The following B9D1 variants were observed in gnomAD, a reference collection of about 807,000 sequenced individuals.
B9D1 encodes the protein B9 domain containing 1.
In B9D1, 20 loss-of-function variants were observed where a neutral mutation model predicts 26.1. The observed-to-expected ratio is 0.77, with a 90% confidence interval of 0.54 to 1.12. The LOEUF is 1.12. Ranked by LOEUF, B9D1 falls within the 50% of genes most tolerant of loss-of-function variation. The pLI, the probability that B9D1 is intolerant of heterozygous loss-of-function variation, is 0.00. For missense variants in B9D1, 260 were observed against 273.7 expected, an observed-to-expected ratio of 0.95 and a Z score of 0.35; for synonymous variants, 105 against 103.1, an observed-to-expected ratio of 1.02 and a Z score of -0.11.
At chr17:19,345,090 C>T (rs1908580194) in intron 5 of B9D1, among the ~76,000 whole-genome samples, 2 of 152,218 alleles carry the variant, frequency 1.3e-5, no homozygotes, top group Non-Finnish European at 1.5e-5. Context: ...TCCTGGGGTC[C>T]ACCCGGGTGG....
rs1908904670 is a variant in B9D1, at chr17:19,347,040, A to G, written c.404+229T>C. 6.5e-7 allele frequency: 1 copy of G among 1,547,846 alleles called. No individual in the cohort carries two copies. Among genetic ancestry groups the G allele is most frequent in the South Asian group, 1.2e-5 (1 of 83,866 alleles). On this transcript the variant is annotated intron_variant, in intron 5 of 6. Transcript: ENST00000261499. The surrounding 1 kb of genome is among the most constrained non-coding windows in gnomAD (Gnocchi z 4.3). Reference sequence around the variant, plus strand: ...TTTTCCTCTGCTCCCTCAGACACAAAGATTTTTCACAGGGCACAGGGTAAA... The same window carrying G: ...TTTTCCTCTGCTCCCTCAGACACAAGGATTTTTCACAGGGCACAGGGTAAA...
At chr17:19,340,067 G>T (rs757742189), downstream of B9D1, among the ~76,000 whole-genome samples, 1 of 125,876 alleles carries the variant, frequency 7.9e-6, no homozygotes. Context: ...GGGCACTCGC[G>T]CCTTCAGCCT....
chr17:19,343,173 G>A, downstream of B9D1: 6 of 1,466,032 alleles, frequency 4.1e-6, no homozygotes, highest in Admixed American at 2.4e-5. Flanking sequence ...CCAGGCCTAG[G>A]CTCTCTGAAA....
At chr17:19,362,002 G>A (rs371628871) in intron 1 of B9D1, among the ~76,000 whole-genome samples, 1 of 152,198 alleles carries the variant, frequency 6.6e-6, no homozygotes, top group East Asian at 1.9e-4. Context: ...CTAAAGTGTA[G>A]GGGGATGGGG....
At chr17:19,362,055 A>C (rs1911146087) in intron 1 of B9D1, among the ~76,000 whole-genome samples, 1 of 152,228 alleles carries the variant, frequency 6.6e-6, no homozygotes, top group Admixed American at 6.5e-5. Context: ...TCCTTGGGTC[A>C]ATTCCAGGCC....
At chr17:19,352,291 T>A (rs966326476) in intron 3 of B9D1, among the ~76,000 whole-genome samples, 2 of 152,184 alleles carry the variant, frequency 1.3e-5, no homozygotes, top group African/African-American at 4.8e-5. Flanking sequence ...AATTAATTTC[T>A]GCTGTTTCTC....
downstream of B9D1, chr17:19,335,606 G>C (rs950968731): frequency 4.1e-6 from 3 of 731,460 alleles, no homozygotes; most frequent in East Asian, 8.8e-5. Flanking sequence ...ACAGTCCCTA[G>C]GCTAAGACAG....
chr17:19,358,168 T>C (rs1910603978), intron 2 of B9D1, among the ~76,000 whole-genome samples: 1 of 151,998 alleles, frequency 6.6e-6, no homozygotes, highest in Non-Finnish European at 1.5e-5. Context: ...GGCCAGCCAC[T>C]CTCCCGGGCA....
chr17:19,337,571 G>A (rs1907548334), downstream of B9D1: 4 of 733,194 alleles, frequency 5.5e-6, no homozygotes, highest in Non-Finnish European at 4.6e-6. Flanking sequence ...TGCCCGTTCA[G>A]TGCAGGGGAC....
intron 1 of B9D1, among the ~76,000 whole-genome samples, chr17:19,376,453 T>C (rs1490800104): frequency 6.6e-6 from 1 of 151,886 alleles, no homozygotes; most frequent in African/African-American, 2.4e-5. Context: ...AGCCTGCTAC[T>C]GGGAGGCTTC....
chr17:19,342,631 TCAGGG>T (rs1351323252), downstream of B9D1, among the ~76,000 whole-genome samples: 1 of 151,930 alleles, frequency 6.6e-6, no homozygotes, highest in African/African-American at 2.4e-5. Flanking sequence ...ACCTCAGAGG[TCAGGG>T]TGTTGAGCCA....
At chr17:19,350,069 G>A (rs142438934) in intron 3 of B9D1, among the ~76,000 whole-genome samples, 7,137 of 151,560 alleles carry the variant, frequency 0.047, 215 homozygotes, top group East Asian at 0.11. Flanking sequence ...CTGAGATCAC[G>A]CCACTGCACT....
intron 5 of B9D1, chr17:19,346,804 G>C (rs1235691430): frequency 1.7e-5 from 15 of 866,726 alleles, no homozygotes; most frequent in Non-Finnish European, 6.4e-6. Context: ...AGCCTGGCAG[G>C]CACTGTTCCC....
At chr17:19,342,997 T>G, downstream of B9D1, 1 of 973,252 alleles carries the variant, frequency 1.0e-6, no homozygotes, top group African/African-American at 1.7e-5. Context: ...AACCTGGTTA[T>G]GTCAAAGCTC....
At chr17:19,336,951 T>C (rs1421719703), downstream of B9D1, among the ~76,000 whole-genome samples, 2 of 152,228 alleles carry the variant, frequency 1.3e-5, no homozygotes, top group African/African-American at 4.8e-5. Context: ...ACGGGTGTGC[T>C]GGGGGAAGTG....
intron 1 of B9D1, among the ~76,000 whole-genome samples, chr17:19,368,957 G>A (rs1010717861): frequency 3.3e-5 from 5 of 152,132 alleles, no homozygotes; most frequent in African/African-American, 4.8e-5. Flanking sequence ...CATGAGTTCT[G>A]TTTCTTAACA....
intron 1 of B9D1, among the ~76,000 whole-genome samples, chr17:19,361,478 TG>T (rs1911057372): frequency 6.6e-6 from 1 of 151,850 alleles, no homozygotes; most frequent in African/African-American, 2.4e-5. Context: ...GGAGGAACAG[TG>T]TGACTGTCAG....
At position 19,347,362 on chromosome 17, in the gene B9D1, CTGAG is replaced by C; in HGVS notation, c.342-35_342-32del. 6.2e-7 allele frequency: 1 copy of C among 1,612,892 alleles called. No individual in the cohort carries two copies. On this transcript the variant is annotated intron_variant, in intron 4 of 6. Transcript: ENST00000261499. The surrounding 1 kb of genome is among the most constrained non-coding windows in gnomAD (Gnocchi z 4.3). ...ACAAATGTTTTTGCAGACAGAGATG[CTGAG>C]TAAGAGACCTTTCTGAGCCTCCAGG...
rs1194745533 is a variant in B9D1 at position 19,359,199 on chromosome 17, C to T, written c.132+1121G>A. ...TAGAAGCCAGGGAATCTTCTAAAAACATAAGTCAGATCACTTTCTCTGCTG... is the reference window on the plus strand; with the variant it reads ...TAGAAGCCAGGGAATCTTCTAAAAATATAAGTCAGATCACTTTCTCTGCTG... On this transcript the variant is annotated intron_variant, in intron 2 of 6. Coordinates refer to ENST00000261499, the MANE Select transcript of B9D1 (RefSeq NM_015681.6). The surrounding 1 kb of genome is among the most constrained non-coding windows in gnomAD (Gnocchi z 5.0). 3.3e-5 allele frequency among the ~76,000 whole-genome samples: 5 copies of T among 152,212 alleles called. No homozygotes were observed. The highest frequency in any genetic ancestry group is 1.2e-4 in the African/African-American group (5 of 41,450).
Sources: gnomAD v4.1 joint callset for allele counts (sites outside exome capture counted in the v4.1 genomes callset) on GRCh38, gnomAD v4.1.1 for gene constraint, Gnocchi (gnomAD v3.1) non-coding constraint, MANE v1.5 for transcripts, NCBI Gene and HGNC (gene_info 2026-07-23, HGNC 2026-07-21) for gene names.